The following KCNQ5 variants were observed in gnomAD, a reference collection of about 807,000 sequenced individuals.
KCNQ5 encodes potassium voltage-gated channel subfamily KQT member 5.
KCNQ5 carries 30 observed loss-of-function variants against 98.2 expected under a neutral mutation model. That is an observed-to-expected ratio of 0.31 (90% confidence interval 0.23 to 0.41). The LOEUF is 0.41. Ranked by LOEUF, KCNQ5 falls within the 10% of genes least tolerant of loss-of-function variation. The pLI, the probability that KCNQ5 is intolerant of heterozygous loss-of-function variation, is 1.00. For missense variants in KCNQ5, 835 were observed against 1,182.5 expected, an observed-to-expected ratio of 0.71 and a Z score of 4.31; for synonymous variants, 458 against 449.4, an observed-to-expected ratio of 1.02 and a Z score of -0.24.
chr6:73,070,003 A>T (rs548974818), intron 3 of KCNQ5, among the ~76,000 whole-genome samples: 1 of 152,332 alleles, frequency 6.6e-6, no homozygotes, highest in Non-Finnish European at 1.5e-5. Flanking sequence ...GGAAAGAGAA[A>T]ATTAGATATG....
At chr6:72,821,039 G>T (rs1775730380) in intron 1 of KCNQ5, among the ~76,000 whole-genome samples, 1 of 152,138 alleles carries the variant, frequency 6.6e-6, no homozygotes, top group South Asian at 2.1e-4. Flanking sequence ...AAAAGACATA[G>T]GTCTCACCAA....
intron 1 of KCNQ5, among the ~76,000 whole-genome samples, chr6:72,913,829 A>G (rs1190255988): frequency 1.3e-5 from 2 of 152,222 alleles, no homozygotes; most frequent in Admixed American, 1.3e-4. Context: ...TGAAACAGGT[A>G]AAGTTGTGTA....
intron 5 of KCNQ5, among the ~76,000 whole-genome samples, chr6:73,086,171 C>G (rs1467926743): frequency 2.0e-5 from 3 of 152,070 alleles, no homozygotes; most frequent in African/African-American, 7.2e-5. Context: ...TGAGTTCTTC[C>G]AACCAGCAGA....
intron 1 of KCNQ5, among the ~76,000 whole-genome samples, chr6:72,667,867 A>T (rs1305831857): frequency 6.6e-6 from 1 of 152,232 alleles, no homozygotes; most frequent in African/African-American, 2.4e-5. Flanking sequence ...TTTACAAAAT[A>T]ACTGACCAAT....
At chr6:72,784,387 G>A (rs1372146384) in intron 1 of KCNQ5, among the ~76,000 whole-genome samples, 1 of 152,164 alleles carries the variant, frequency 6.6e-6, no homozygotes, top group Non-Finnish European at 1.5e-5. Context: ...TGTAAGAGAA[G>A]CACAGTCATT....
rs146804232 is a variant in KCNQ5 at position 73,012,640 on chromosome 6, T to G, written c.489+8642T>G. Among the ~76,000 whole-genome samples, 31 of 152,072 alleles carry G rather than the reference T, an allele frequency of 2.0e-4. 1 individual carries two copies. In the East Asian group the frequency reaches 6.0e-3, roughly 29 times the overall value. On this transcript the variant is annotated intron_variant, in intron 2 of 13. Coordinates refer to ENST00000370398, the MANE Select transcript of KCNQ5 (RefSeq NM_019842.4). ...CTGTAAATTTTATATTACATATATT[T>G]TACCACAATAAAAAAATTGAGAAAA...
chr6:72,900,598 G>T (rs897470757), intron 1 of KCNQ5, among the ~76,000 whole-genome samples: 2 of 150,008 alleles, frequency 1.3e-5, no homozygotes, highest in African/African-American at 5.0e-5. Context: ...GTTGCGAATT[G>T]TGCTGCTATA....
intron 1 of KCNQ5, among the ~76,000 whole-genome samples, chr6:72,665,952 G>A (rs1766788933): frequency 1.3e-5 from 2 of 152,084 alleles, no homozygotes; most frequent in African/African-American, 4.8e-5. Flanking sequence ...CCCCAAACCT[G>A]TTACCCACCT....
intron 3 of KCNQ5, among the ~76,000 whole-genome samples, chr6:73,075,475 C>T (rs1186759754): frequency 6.6e-6 from 1 of 152,154 alleles, no homozygotes; most frequent in Non-Finnish European, 1.5e-5. Context: ...CCCACCTTGG[C>T]CTCCCAAAGT....
intron 10 of KCNQ5, among the ~76,000 whole-genome samples, chr6:73,158,561 C>A (rs1014238699): frequency 7.9e-5 from 12 of 152,064 alleles, no homozygotes; most frequent in African/African-American, 2.9e-4. Context: ...CCACCGCACC[C>A]GTCCTGGAAG....
At chr6:73,151,179 G>T (rs927520271) in intron 10 of KCNQ5, among the ~76,000 whole-genome samples, 2 of 152,076 alleles carry the variant, frequency 1.3e-5, no homozygotes, top group African/African-American at 4.8e-5. Flanking sequence ...AAAGTCAAAT[G>T]ATATAAGCCC....
At chr6:73,102,205 A>G (rs1339840106) in intron 5 of KCNQ5, among the ~76,000 whole-genome samples, 1 of 152,214 alleles carries the variant, frequency 6.6e-6, no homozygotes, top group African/African-American at 2.4e-5. Flanking sequence ...ATGAAGAAGA[A>G]TGAAATTAGA....
At chr6:72,895,114 TAAAAAAAAAAA>T (rs71540357) in intron 1 of KCNQ5, among the ~76,000 whole-genome samples, 1 of 89,268 alleles carries the variant, frequency 1.1e-5, no homozygotes, top group African/African-American at 4.5e-5. Context: ...CCATCTCTAC[TAAAAAAAAAAA>T]AAAAAAAAAA....
chr6:72,627,648 A>G (rs2098918632), intron 1 of KCNQ5, among the ~76,000 whole-genome samples: 1 of 152,210 alleles, frequency 6.6e-6, no homozygotes, highest in African/African-American at 2.4e-5. Flanking sequence ...AAATGGACCC[A>G]GTAGTGTAGG....
intron 1 of KCNQ5, among the ~76,000 whole-genome samples, chr6:72,788,930 G>T (rs1773891017): frequency 6.6e-6 from 1 of 152,148 alleles, no homozygotes. Context: ...ATAGCTGTAG[G>T]TATTGAAGGA....
At position 73,077,904 on chromosome 6, in the gene KCNQ5, A is replaced by G. The variant is rs756720607; in HGVS notation, c.918+17A>G. On this transcript the variant is annotated intron_variant, in intron 5 of 13. Coordinates refer to ENST00000370398, the MANE Select transcript of KCNQ5 (RefSeq NM_019842.4). ...TGGGGCACAGTAAGTATAAAAATAC[A>G]TTTTTTATTTATTGGATGTTGTGAA... 62 of 1,564,150 alleles carry G rather than the reference A, an allele frequency of 4.0e-5. No homozygotes were observed. The highest frequency in any genetic ancestry group is 5.1e-5 in the Non-Finnish European group (59 of 1,157,972).
At chr6:73,125,915 C>T (rs1239833036) in intron 9 of KCNQ5, among the ~76,000 whole-genome samples, 1 of 152,006 alleles carries the variant, frequency 6.6e-6, no homozygotes, top group Non-Finnish European at 1.5e-5. Flanking sequence ...ACCTAAGAAA[C>T]GTTTTTGACC....
intron 1 of KCNQ5, among the ~76,000 whole-genome samples, chr6:72,774,119 A>G (rs762004615): frequency 6.6e-6 from 1 of 152,226 alleles, no homozygotes; most frequent in Non-Finnish European, 1.5e-5. Context: ...TCAATTCTAG[A>G]TGAATTGCAA....
intron 1 of KCNQ5, among the ~76,000 whole-genome samples, chr6:72,885,186 G>A (rs1340601576): frequency 6.6e-6 from 1 of 152,194 alleles, no homozygotes; most frequent in Non-Finnish European, 1.5e-5. Flanking sequence ...AGCTTCATAA[G>A]TGCAGGGACG....
Sources: allele counts gnomAD v4.1 joint callset (sites outside exome capture counted in the v4.1 genomes callset), GRCh38; gene constraint gnomAD v4.1.1; transcripts MANE v1.5; gene names NCBI Gene and HGNC (gene_info 2026-07-23, HGNC 2026-07-21).